FOXN3: variants seen among roughly 807,000 people sequenced by gnomAD.
The protein encoded by FOXN3 is forkhead box protein N3.
FOXN3 carries 7 observed loss-of-function variants against 38.4 expected under a neutral mutation model. The ratio of observed to expected loss-of-function variants is 0.18; its 90% CI spans 0.10 to 0.34. FOXN3 has a LOEUF of 0.34. FOXN3 is among the 10% of genes least tolerant of loss of function. The probability of loss-of-function intolerance (pLI) is 1.00; values close to 1 mark genes in which losing one functional copy is unlikely to be tolerated. For synonymous variants in FOXN3, 230 were observed against 242.2 expected, an observed-to-expected ratio of 0.95 and a Z score of 0.47; for missense variants, 456 against 613.4, an observed-to-expected ratio of 0.74 and a Z score of 2.71.
rs185611907 is a variant in FOXN3, at chr14:89,200,697, C to T, written c.746-19891G>A. ...CTTTTCGCCTCAGCAGCGAGGTCTG[C>T]GTCACATTGCCGTCACATTCCCGAA... On this transcript the variant is annotated intron_variant, in intron 4 of 5. Transcript: ENST00000557258. Among the ~76,000 whole-genome samples the T allele has an allele frequency of 5.1e-4, 77 of 152,354 alleles. 1 individual carries two copies. Among genetic ancestry groups the T allele is most frequent in the South Asian group, 2.1e-4 (1 of 4,824 alleles).
intron 1 of FOXN3, among the ~76,000 whole-genome samples, chr14:89,559,924 T>C (rs1895212254): frequency 6.6e-6 from 1 of 152,102 alleles, no homozygotes; most frequent in Non-Finnish European, 1.5e-5. Context: ...GAGGCTAGCC[T>C]TCCTTGCATG....
intron 1 of FOXN3, among the ~76,000 whole-genome samples, chr14:89,543,099 G>A (rs552077348): frequency 6.6e-6 from 1 of 152,206 alleles, no homozygotes; most frequent in Non-Finnish European, 1.5e-5. Context: ...TTCAATCAGA[G>A]CTGGATCACG....
chr14:89,464,535 GCTTAA>G (rs1341399626), intron 1 of FOXN3, among the ~76,000 whole-genome samples: 1 of 152,042 alleles, frequency 6.6e-6, no homozygotes, highest in Non-Finnish European at 1.5e-5. Context: ...CTATCCTTTT[GCTTAA>G]CTTTTCAGTA....
At chr14:89,508,782 C>G (rs1894000052) in intron 1 of FOXN3, among the ~76,000 whole-genome samples, 1 of 152,160 alleles carries the variant, frequency 6.6e-6, no homozygotes. Context: ...GGCTGAGATT[C>G]TGCATTTTTA....
intron 5 of FOXN3, among the ~76,000 whole-genome samples, chr14:89,171,994 G>T (rs1465183616): frequency 6.6e-6 from 1 of 152,126 alleles, no homozygotes; most frequent in Non-Finnish European, 1.5e-5. Flanking sequence ...TACTAATGCA[G>T]TTTATTTAGC....
At chr14:89,226,419 T>C (rs1477538849) in intron 4 of FOXN3, among the ~76,000 whole-genome samples, 1 of 151,862 alleles carries the variant, frequency 6.6e-6, no homozygotes, top group Non-Finnish European at 1.5e-5. Flanking sequence ...AGAGATGGGG[T>C]CTCACACCAC....
chr14:89,174,504 A>G (rs1887469378), intron 5 of FOXN3, among the ~76,000 whole-genome samples: 1 of 152,014 alleles, frequency 6.6e-6, no homozygotes, highest in South Asian at 2.1e-4. Context: ...TGATCCTACA[A>G]CTCTCCTCCA....
intron 4 of FOXN3, among the ~76,000 whole-genome samples, chr14:89,227,783 C>G (rs947185558): frequency 6.6e-6 from 1 of 152,178 alleles, no homozygotes; most frequent in Non-Finnish European, 1.5e-5. Flanking sequence ...TTGAAGGAAT[C>G]GGAGGGCTGG....
intron 3 of FOXN3, among the ~76,000 whole-genome samples, chr14:89,293,750 G>A (rs549533901): frequency 3.9e-5 from 6 of 152,226 alleles, no homozygotes; most frequent in South Asian, 4.2e-4. Flanking sequence ...ATGGAGCGGC[G>A]GTTGGGGGTA....
chr14:89,521,730 A>G (rs908894406), intron 1 of FOXN3, among the ~76,000 whole-genome samples: 1 of 152,210 alleles, frequency 6.6e-6, no homozygotes, highest in African/African-American at 2.4e-5. Flanking sequence ...AACTTCCAAA[A>G]AAAATTAAAG....
rs570444854 is a variant in FOXN3 at position 89,161,032 on chromosome 14, T to G, written c.*1382A>C. The G allele has an allele frequency of 6.6e-6, 1 of 152,364 alleles. No homozygotes were observed. Among genetic ancestry groups the G allele is most frequent in the African/African-American group, 2.4e-5 (1 of 41,588 alleles). 9.4% of individuals were successfully genotyped at this position (152,364 alleles called of 1,614,324 possible). Reference sequence around the variant, plus strand: ...ATAGCCTTTTCTCTATTTTCTATATTTATATGAAAATAATTCATGCTTCAT... The same window carrying G: ...ATAGCCTTTTCTCTATTTTCTATATGTATATGAAAATAATTCATGCTTCAT... On this transcript the variant is annotated 3_prime_UTR_variant, in exon 6 of 6. Coordinates refer to ENST00000557258, the MANE Select transcript of FOXN3 (RefSeq NM_005197.4).
At chr14:89,430,210 A>G (rs190956097) in intron 1 of FOXN3, among the ~76,000 whole-genome samples, 1 of 152,374 alleles carries the variant, frequency 6.6e-6, no homozygotes, top group African/African-American at 2.4e-5. Flanking sequence ...AGGCAAAATA[A>G]AAGTACAAAG....
intron 1 of FOXN3, among the ~76,000 whole-genome samples, chr14:89,579,133 A>ATTC (rs1895693553): frequency 5.4e-5 from 8 of 147,370 alleles, no homozygotes. Context: ...TACAGGCATG[A>ATTC]GCCACCATGC....
At position 89,366,291 on chromosome 14, in the gene FOXN3, A is replaced by G. The variant is rs539170189; in HGVS notation, c.544-15483T>C. On this transcript the variant is annotated intron_variant, in intron 2 of 5. Coordinates refer to ENST00000557258, the MANE Select transcript of FOXN3 (RefSeq NM_005197.4). ...AAAAAAAACTTTATTATAGAAAAAA[A>G]CATGCACATTTGAAAAGTTTTGTCT... Among the ~76,000 whole-genome samples the G allele has an allele frequency of 3.3e-5, 5 of 152,280 alleles. No homozygotes were observed. In the East Asian group the frequency reaches 9.6e-4, roughly 29 times the overall value.
At chr14:89,387,527 A>T (rs1890826445) in intron 2 of FOXN3, among the ~76,000 whole-genome samples, 1 of 152,218 alleles carries the variant, frequency 6.6e-6, no homozygotes. Flanking sequence ...ACAAAGATTC[A>T]GCCCTAGGTC....
At chr14:89,438,737 C>T (rs1233818631) in intron 1 of FOXN3, among the ~76,000 whole-genome samples, 1 of 151,626 alleles carries the variant, frequency 6.6e-6, no homozygotes, top group Non-Finnish European at 1.5e-5. Flanking sequence ...TATACTCACT[C>T]TTATATCTGG....
intron 1 of FOXN3, among the ~76,000 whole-genome samples, chr14:89,436,422 T>A (rs571253843): frequency 6.6e-6 from 1 of 152,196 alleles, no homozygotes; most frequent in East Asian, 1.9e-4. Context: ...CAAAGTGACG[T>A]AGGGTCACAT....
At chr14:89,167,659 T>C (rs1479529358) in intron 5 of FOXN3, among the ~76,000 whole-genome samples, 2 of 152,150 alleles carry the variant, frequency 1.3e-5, no homozygotes, top group Non-Finnish European at 2.9e-5. Flanking sequence ...GACTATAATA[T>C]AAAAGATCCT....
At position 89,167,959 on chromosome 14, in the gene FOXN3, G is replaced by A. The variant is rs1887284662; in HGVS notation, c.852-4990C>T. Among the ~76,000 whole-genome samples, 8 of 152,162 alleles carry A rather than the reference G, an allele frequency of 5.3e-5. 1 individual carries two copies. The South Asian group carries it at 1.7e-3, about 32-fold the overall frequency. The stretch of plus-strand genomic sequence containing the variant: ...CTGTGTACCCTCTAAGGGCGTTCAA[G>A]TGGCTCCAGGTATACTGGTCCCCCA... On this transcript the variant is annotated intron_variant, in intron 5 of 5. Transcript: ENST00000557258.
Sources: gnomAD v4.1 joint callset for allele counts (sites outside exome capture counted in the v4.1 genomes callset) on GRCh38, gnomAD v4.1.1 for gene constraint, MANE v1.5 for transcripts, NCBI Gene and HGNC (gene_info 2026-07-23, HGNC 2026-07-21) for gene names.